NRXN3: variants seen among roughly 807,000 people sequenced by gnomAD.
The protein encoded by NRXN3 is neurexin 3, also known as neurexin III.
A neutral mutation model predicts 137.6 loss-of-function variants in NRXN3; 32 were observed. The ratio of observed to expected loss-of-function variants is 0.23; its 90% confidence interval spans 0.18 to 0.31. The LOEUF is 0.31. Ranked by LOEUF, NRXN3 falls within the 10% of genes least tolerant of loss-of-function variation. The pLI, the probability that NRXN3 is intolerant of heterozygous loss-of-function variation, is 1.00. For missense variants in NRXN3, 1,574 were observed against 2,062.5 expected (o/e 0.76, Z 4.59); for synonymous variants, 798 against 784.5 (o/e 1.02, Z -0.29).
intron 1 of NRXN3, among the ~76,000 whole-genome samples, chr14:78,234,991 C>CTT (rs1305798988): frequency 7.9e-4 from 21 of 26,442 alleles, no homozygotes; most frequent in East Asian, 5.3e-3. Flanking sequence ...GCCACAAATG[C>CTT]TTTTATATAT....
chr14:79,307,913 T>C (rs1389612485), intron 15 of NRXN3, among the ~76,000 whole-genome samples: 3 of 152,116 alleles, frequency 2.0e-5, no homozygotes. Context: ...CAGAAATTTA[T>C]TACAGTTGTG....
At chr14:78,887,031 A>C (rs974456450) in intron 10 of NRXN3, among the ~76,000 whole-genome samples, 1 of 152,086 alleles carries the variant, frequency 6.6e-6, no homozygotes, top group Non-Finnish European at 1.5e-5. Context: ...TTGTATATTT[A>C]ATGTGCTCCA....
intron 10 of NRXN3, among the ~76,000 whole-genome samples, chr14:78,818,889 G>A (rs1469217358): frequency 6.6e-6 from 1 of 152,108 alleles, no homozygotes; most frequent in African/African-American, 2.4e-5. Flanking sequence ...TTGGACCTCA[G>A]ATGTATGTAT....
At chr14:79,004,607 A>G (rs75010348) in intron 15 of NRXN3, among the ~76,000 whole-genome samples, 2 of 152,192 alleles carry the variant, frequency 1.3e-5, no homozygotes, top group East Asian at 3.9e-4. Flanking sequence ...CCAGGAATGA[A>G]CAAGTAATTA....
At chr14:78,943,883 A>C (rs905452948) in intron 10 of NRXN3, among the ~76,000 whole-genome samples, 1 of 151,538 alleles carries the variant, frequency 6.6e-6, no homozygotes, top group Non-Finnish European at 1.5e-5. Context: ...AGGTGCCTCC[A>C]ATCTGGTTGG....
Position 79,162,881 on chromosome 14 carries a change from C to A in NRXN3, c.3262+174740C>A, listed in dbSNP as rs193175366. ...TCACTATTTTCTCCACCCTGCCTATCCTCATTTCTCTTTGCTCCTCCTCTT... is the reference window on the plus strand; with the variant it reads ...TCACTATTTTCTCCACCCTGCCTATACTCATTTCTCTTTGCTCCTCCTCTT... On this transcript the variant is annotated intron_variant, in intron 15 of 20. Transcript: ENST00000335750. 5.1e-3 allele frequency among the ~76,000 whole-genome samples: 774 copies of A among 151,994 alleles called. 2 individuals are homozygous for A. Among genetic ancestry groups the A allele is most frequent in the South Asian group, 0.01 (50 of 4,814 alleles).
intron 19 of NRXN3, among the ~76,000 whole-genome samples, chr14:79,710,321 T>C (rs1386250993): frequency 6.6e-6 from 1 of 152,184 alleles, no homozygotes; most frequent in East Asian, 1.9e-4. Context: ...CATATCCTGG[T>C]TGATTTCAAG....
intron 4 of NRXN3, among the ~76,000 whole-genome samples, chr14:78,442,920 C>A (rs999942543): frequency 6.6e-6 from 1 of 152,028 alleles, no homozygotes; most frequent in Non-Finnish European, 1.5e-5. Flanking sequence ...TACCTCATTG[C>A]GTTTTGTATT....
chr14:79,645,555 G>T (rs2153965396), intron 16 of NRXN3, among the ~76,000 whole-genome samples: 1 of 130,906 alleles, frequency 7.6e-6, no homozygotes, highest in African/African-American at 2.5e-5. Context: ...GGCAGGGGTT[G>T]CAGTGAGTTG....
Position 78,695,708 on chromosome 14 carries a change from A to G in NRXN3, c.1222-13509A>G, listed in dbSNP as rs528416705. On this transcript the variant is annotated intron_variant, in intron 6 of 20. Transcript: ENST00000335750. ...GTAGATTGTGGTCCATCTCTGTAGG[A>G]TAAAGTGTGCACAGTTGGCTTGGCA... The G allele has an allele frequency of 3.3e-5, 5 of 152,100 alleles. No individual in the cohort carries two copies. The East Asian group carries it at 9.6e-4, about 29-fold the overall frequency. The allele number at this position is 152,100 out of a possible 1,614,324, so 9.4% of individuals were successfully genotyped here. A position where few individuals can be genotyped will look rare whatever the true frequency, so the allele number is the denominator to read the frequency against.
At chr14:79,828,506 G>A (rs2099312136) in intron 20 of NRXN3, among the ~76,000 whole-genome samples, 1 of 151,146 alleles carries the variant, frequency 6.6e-6, no homozygotes, top group African/African-American at 2.4e-5. Flanking sequence ...TGTAATCCCA[G>A]CTACTCGGGA....
At chr14:78,700,475 C>T (rs1451613081) in intron 6 of NRXN3, among the ~76,000 whole-genome samples, 2 of 152,134 alleles carry the variant, frequency 1.3e-5, no homozygotes, top group African/African-American at 4.8e-5. Flanking sequence ...CAACATGGCT[C>T]TAAGAAATGG....
At chr14:79,000,326 T>C (rs758102869) in intron 15 of NRXN3, among the ~76,000 whole-genome samples, 86 of 152,194 alleles carry the variant, frequency 5.7e-4, no homozygotes, top group Non-Finnish European at 1.1e-3. Context: ...TGAGATGATT[T>C]TTCTATCCAA....
chr14:79,545,288 G>T (rs2097308559), intron 16 of NRXN3, among the ~76,000 whole-genome samples: 1 of 152,178 alleles, frequency 6.6e-6, no homozygotes, highest in South Asian at 2.1e-4. Context: ...CCTTCTTGGG[G>T]CCTCTCGGGA....
intron 1 of NRXN3, among the ~76,000 whole-genome samples, chr14:78,239,321 C>T (rs1229558745): frequency 6.6e-6 from 1 of 152,204 alleles, no homozygotes; most frequent in Admixed American, 6.5e-5. Flanking sequence ...GTTTGTGATG[C>T]CCTGGAGGGT....
chr14:79,779,715 CATT>C (rs1381547229), intron 19 of NRXN3, among the ~76,000 whole-genome samples: 3 of 152,166 alleles, frequency 2.0e-5, no homozygotes, highest in Non-Finnish European at 4.4e-5. Context: ...GAATCTTCCT[CATT>C]ATACTCATCT....
intron 15 of NRXN3, among the ~76,000 whole-genome samples, chr14:79,124,869 A>G (rs981727319): frequency 6.6e-6 from 1 of 150,784 alleles, no homozygotes; most frequent in Non-Finnish European, 1.5e-5. Flanking sequence ...GCTGAGACAG[A>G]TAAAATAGCT....
chr14:79,127,575 T>G (rs1484977582), intron 15 of NRXN3, among the ~76,000 whole-genome samples: 9 of 152,154 alleles, frequency 5.9e-5, no homozygotes, highest in Non-Finnish European at 1.3e-4. Flanking sequence ...TTTGGTTACC[T>G]TAGGCTTGTA....
chr14:79,454,446 C>T (rs1023147846), intron 15 of NRXN3, among the ~76,000 whole-genome samples: 82 of 152,076 alleles, frequency 5.4e-4, no homozygotes, highest in African/African-American at 1.9e-3. Flanking sequence ...GAACTCCCAA[C>T]CTCAGGTGAT....
Sources: allele counts gnomAD v4.1 joint callset (sites outside exome capture counted in the v4.1 genomes callset), GRCh38; gene constraint gnomAD v4.1.1; transcripts MANE v1.5; gene names NCBI Gene and HGNC (gene_info 2026-07-23, HGNC 2026-07-21).